The following LYN variants were observed in gnomAD, a reference collection of about 807,000 sequenced individuals.
LYN encodes the protein LYN proto-oncogene, Src family tyrosine kinase.
LYN carries 12 observed loss-of-function variants against 65.0 expected under a neutral mutation model. The ratio of observed to expected loss-of-function variants is 0.18; its 90% CI spans 0.12 to 0.30. The LOEUF (loss-of-function observed/expected upper bound fraction) is 0.30. Ranked by LOEUF, LYN falls within the 10% of genes least tolerant of loss-of-function variation. The pLI, the probability that LYN is intolerant of heterozygous loss-of-function variation, is 1.00. For missense variants in LYN, 380 were observed against 623.2 expected (o/e 0.61, Z 4.16); for synonymous variants, 222 against 221.2 (o/e 1.00, Z -0.03).
intron 1 of LYN, among the ~76,000 whole-genome samples, chr8:55,904,125 C>T (rs1466831787): frequency 1.3e-5 from 2 of 151,906 alleles, no homozygotes; most frequent in African/African-American, 4.8e-5. Context: ...GGTAGAATGA[C>T]TCCTGAAATT....
intron 10 of LYN, among the ~76,000 whole-genome samples, chr8:55,979,171 T>G (rs1013727126): frequency 6.0e-5 from 9 of 150,070 alleles, no homozygotes; most frequent in African/African-American, 2.2e-4. Flanking sequence ...GCCTCCCGAG[T>G]AGCTGGGATT....
At chr8:55,884,856 T>C (rs73684164) in intron 1 of LYN, among the ~76,000 whole-genome samples, 34 of 152,344 alleles carry the variant, frequency 2.2e-4, no homozygotes, top group African/African-American at 7.9e-4. Flanking sequence ...TTGTTGTTTA[T>C]CCCCTTCATC....
At chr8:55,930,394 T>G (rs534848821) in intron 1 of LYN, among the ~76,000 whole-genome samples, 1 of 152,334 alleles carries the variant, frequency 6.6e-6, no homozygotes, top group African/African-American at 2.4e-5. Context: ...TATATGTATT[T>G]CTGAATATGG....
chr8:55,907,409 T>C (rs1805457808), intron 1 of LYN, among the ~76,000 whole-genome samples: 1 of 152,166 alleles, frequency 6.6e-6, no homozygotes, highest in Admixed American at 6.6e-5. Flanking sequence ...AACAGGGTCA[T>C]GAGAGGGGAT....
chr8:55,907,259 A>T (rs189458624), intron 1 of LYN, among the ~76,000 whole-genome samples: 1 of 152,354 alleles, frequency 6.6e-6, no homozygotes, highest in Admixed American at 6.5e-5. Context: ...CAACCAAAAA[A>T]ATGAGACACT....
chr8:55,978,490 C>T (rs1044571732), intron 10 of LYN, among the ~76,000 whole-genome samples: 3 of 152,126 alleles, frequency 2.0e-5, no homozygotes, highest in African/African-American at 4.8e-5. Context: ...GGGCAGCTAG[C>T]GTGGACAGGC....
chr8:55,919,922 G>GT (rs1805898067), intron 1 of LYN, among the ~76,000 whole-genome samples: 1 of 151,208 alleles, frequency 6.6e-6, no homozygotes, highest in Admixed American at 6.6e-5. Context: ...GGGAGTGGGG[G>GT]TGGGAGCTTT....
intron 4 of LYN, among the ~76,000 whole-genome samples, chr8:55,948,727 A>G (rs1806854161): frequency 6.6e-6 from 1 of 152,236 alleles, no homozygotes; most frequent in South Asian, 2.1e-4. Context: ...TATGGGTTGA[A>G]CAGGGACTTA....
intron 1 of LYN, among the ~76,000 whole-genome samples, chr8:55,911,285 ATTTTTT>A (rs1209633804): frequency 7.2e-5 from 2 of 27,776 alleles, no homozygotes; most frequent in African/African-American, 1.7e-4. Flanking sequence ...ATATATATAT[ATTTTTT>A]TTTTTTTTTT....
Position 55,950,513 on chromosome 8 carries a change from C to A in LYN, c.339C>A (p.Ile113=), listed in dbSNP as rs375394888. The change falls in exon 5 of 13, where the codon ATC becomes ATA. Residue 113 remains isoleucine (I), a synonymous_variant. Coordinates refer to ENST00000519728, the MANE Select transcript of LYN (RefSeq NM_002350.4). ...TTTTAACAAAAAAAGAAGGCTTCAT[C>A]CCCAGCAACTATGTGGCCAAACTCA... ...KSLLTKKEGF[I]PSNYVAKLNT... 9 of 1,613,778 alleles carry A rather than the reference C, an allele frequency of 5.6e-6. No individual in the cohort carries two copies. Among genetic ancestry groups the A allele is most frequent in the Non-Finnish European group, 7.6e-6 (9 of 1,179,972 alleles).
At chr8:55,921,770 G>A (rs1220191772) in intron 1 of LYN, among the ~76,000 whole-genome samples, 1 of 152,184 alleles carries the variant, frequency 6.6e-6, no homozygotes. Flanking sequence ...GTTTTGTCCT[G>A]TTGGCAGGAG....
chr8:56,005,451 G>A (rs1010055637), intron 12 of LYN, among the ~76,000 whole-genome samples: 7 of 152,118 alleles, frequency 4.6e-5, no homozygotes, highest in Middle Eastern at 3.2e-3. Context: ...TCCTGCCCTC[G>A]GCGCTGGCCT....
chr8:55,949,888 C>G (rs1230095250), intron 4 of LYN, among the ~76,000 whole-genome samples: 2 of 152,106 alleles, frequency 1.3e-5, no homozygotes, highest in African/African-American at 4.8e-5. Context: ...TTTAAATACC[C>G]CAAAAGGAAA....
chr8:55,908,223 A>ATTTATTTATTTATTTG (rs1163393509), intron 1 of LYN, among the ~76,000 whole-genome samples: 10 of 19,198 alleles, frequency 5.2e-4, no homozygotes, highest in African/African-American at 2.9e-3. Context: ...TGTTTAAACC[A>ATTTATTTATTTATTTG]TTTATTTATT....
At chr8:55,924,077 T>TA (rs1226565704) in intron 1 of LYN, among the ~76,000 whole-genome samples, 1 of 151,186 alleles carries the variant, frequency 6.6e-6, no homozygotes, top group East Asian at 1.9e-4. Flanking sequence ...TTTTTTTTTT[T>TA]ATTATAGCAA....
At chr8:55,966,188 A>G (rs551169867) in intron 8 of LYN, among the ~76,000 whole-genome samples, 2 of 152,234 alleles carry the variant, frequency 1.3e-5, no homozygotes, top group African/African-American at 4.8e-5. Flanking sequence ...TTTTGCTACT[A>G]TTTCATAGAA....
intron 9 of LYN, among the ~76,000 whole-genome samples, chr8:55,969,143 T>C (rs1807540161): frequency 6.6e-6 from 1 of 152,128 alleles, no homozygotes; most frequent in Non-Finnish European, 1.5e-5. Flanking sequence ...CTGGGTGTGA[T>C]GGCATGTACC....
chr8:56,010,167 G>T lies in LYN; in HGVS notation c.*57G>T, dbSNP rs1808776034. 1 of 1,555,548 alleles carries T rather than the reference G, an allele frequency of 6.4e-7. No homozygotes were observed. The highest frequency in any genetic ancestry group is 8.9e-7 in the Non-Finnish European group (1 of 1,129,334). ...TGGCTGCCTCATTTAGAGAGGAAAAGTAACCATCACTGGTTGCACTTATGA... is the reference window on the plus strand; with the variant it reads ...TGGCTGCCTCATTTAGAGAGGAAAATTAACCATCACTGGTTGCACTTATGA... On this transcript the variant is annotated 3_prime_UTR_variant, in exon 13 of 13. Transcript: ENST00000519728.
At chr8:55,972,149 G>A (rs536649664) in intron 10 of LYN, among the ~76,000 whole-genome samples, 86 of 152,300 alleles carry the variant, frequency 5.6e-4, no homozygotes, top group Admixed American at 5.6e-3. Context: ...AGTTCATCTG[G>A]CTCAAGTGCA....
Sources: gnomAD v4.1 joint callset for allele counts (sites outside exome capture counted in the v4.1 genomes callset) on GRCh38, gnomAD v4.1.1 for gene constraint, MANE v1.5 for transcripts, NCBI Gene and HGNC (gene_info 2026-07-23, HGNC 2026-07-21) for gene names.